The following CACNA2D2 variants were observed in gnomAD, a reference collection of about 807,000 sequenced individuals.
The protein encoded by CACNA2D2 is calcium voltage-gated channel auxiliary subunit alpha2delta 2.
A neutral mutation model predicts 166.4 loss-of-function variants in CACNA2D2; 48 were observed. The observed-to-expected ratio is 0.29, with a 90% confidence interval of 0.23 to 0.37. The LOEUF (loss-of-function observed/expected upper bound fraction) is 0.37, where lower values mean the gene tolerates loss of function less well. Among genes scored for constraint, CACNA2D2 ranks in the 10% least tolerant of loss-of-function variants. The pLI, the probability that CACNA2D2 is intolerant of heterozygous loss-of-function variation, is 1.00. For missense variants in CACNA2D2, 1,122 were observed against 1,433.0 expected (o/e 0.78, Z 3.50); for synonymous variants, 561 against 573.7 (o/e 0.98, Z 0.32).
At chr3:50,369,868 CAG>C (rs1704560207) in intron 23 of CACNA2D2, among the ~76,000 whole-genome samples, 1 of 152,268 alleles carries the variant, frequency 6.6e-6, no homozygotes, top group African/African-American at 2.4e-5. Context: ...GCACTGCCGA[CAG>C]GGGCTCTGGC....
Position 50,378,103 on chromosome 3 carries a change from G to T in CACNA2D2, c.1390-6C>A, listed in dbSNP as rs769705975. The T allele has an allele frequency of 1.6e-5, 26 of 1,612,998 alleles. No individual in the cohort carries two copies. The highest frequency in any genetic ancestry group is 2.2e-5 in the Non-Finnish European group (26 of 1,179,854). On this transcript the variant is annotated splice_polypyrimidine_tract_variant and splice_region_variant and intron_variant, in intron 14 of 37. Coordinates refer to ENST00000424201, the MANE Select transcript of CACNA2D2 (RefSeq NM_006030.4). ...CCCAACACATCTAGATATTCCTGGG[G>T]AGGGGGCAGTGGTGGGGGTAATGAG...
intron 2 of CACNA2D2, among the ~76,000 whole-genome samples, chr3:50,454,595 G>GAA (rs1308116036): frequency 6.6e-6 from 1 of 152,230 alleles, no homozygotes; most frequent in Non-Finnish European, 1.5e-5. Flanking sequence ...CCTTGCCTTT[G>GAA]TCCCAGAATC....
At position 50,487,717 on chromosome 3, in the gene CACNA2D2, G is replaced by A. The variant is rs576497212; in HGVS notation, c.207-11518C>T. The stretch of plus-strand genomic sequence containing the variant: ...AATCCGAGAGAAGCCACCTTGCCTG[G>A]TGAGCCTCATGATTGGCTTAAGGAG... On this transcript the variant is annotated intron_variant, in intron 1 of 37. Coordinates refer to ENST00000424201, the MANE Select transcript of CACNA2D2 (RefSeq NM_006030.4). Among the ~76,000 whole-genome samples, 29 of 152,242 alleles carry A rather than the reference G, an allele frequency of 1.9e-4. 1 individual carries two copies. The East Asian group carries it at 5.4e-3, about 28-fold the overall frequency.
In CACNA2D2 at chr3:50,503,278, G is replaced by C; in HGVS notation, c.146C>G (p.Pro49Arg). 1.7e-6 allele frequency: 2 copies of C among 1,166,080 alleles called. No homozygotes were observed. Among genetic ancestry groups the C allele is most frequent in the South Asian group, 4.3e-5 (1 of 23,510 alleles). 72.2% of individuals were successfully genotyped at this position (1,166,080 alleles called of 1,614,324 possible). ...GGGGGCGGCGAGCAGCGGTAGAAGCGGCAGCAGCAGCCACAGCGGGCGCGG... is the reference window on the plus strand; with the variant it reads ...GGGGGCGGCGAGCAGCGGTAGAAGCCGCAGCAGCAGCCACAGCGGGCGCGG... ...GPPRPLWLLL[P>R]LLPLLAAPGA... Residue 49 changes from proline (P) to arginine (R), a missense_variant, in exon 1 of 38, where the codon CCG (proline) becomes CGG (arginine). Transcript: ENST00000424201.
intron 3 of CACNA2D2, among the ~76,000 whole-genome samples, chr3:50,432,862 G>C (rs1422770060): frequency 6.6e-6 from 1 of 152,260 alleles, no homozygotes; most frequent in African/African-American, 2.4e-5. Flanking sequence ...AGCTCCTGGA[G>C]AAGGAAATTC....
chr3:50,503,128 C>A (rs1415734623), intron 1 of CACNA2D2, 90 bp downstream of exon 1: 33 of 729,082 alleles, frequency 4.5e-5, no homozygotes, highest in Non-Finnish European at 5.8e-5. Flanking sequence ...TCTGCCCTGG[C>A]GCGGAGCGCA....
chr3:50,455,890 T>G (rs1481160267), intron 2 of CACNA2D2, among the ~76,000 whole-genome samples: 2 of 152,106 alleles, frequency 1.3e-5, no homozygotes, highest in African/African-American at 2.4e-5. Flanking sequence ...TGGGCCCACA[T>G]GCTCCCCCCA....
chr3:50,499,373 G>C (rs1460413302), intron 1 of CACNA2D2, among the ~76,000 whole-genome samples: 1 of 152,206 alleles, frequency 6.6e-6, no homozygotes, highest in Admixed American at 6.5e-5. Flanking sequence ...GCAACATCTG[G>C]GCTTAATGCT....
At chr3:50,477,774 G>A (rs531159400) in intron 1 of CACNA2D2, among the ~76,000 whole-genome samples, 26 of 152,276 alleles carry the variant, frequency 1.7e-4, no homozygotes, top group African/African-American at 5.3e-4. Context: ...GAGGTACCCC[G>A]GGAGCCATGG....
intron 13 of CACNA2D2, 40 bp from the exon 14 acceptor site, chr3:50,378,373 C>A: frequency 1.3e-6 from 2 of 1,545,002 alleles, no homozygotes; most frequent in Non-Finnish European, 1.8e-6. Flanking sequence ...CTGGCTGGCA[C>A]TGCAGGATCC....
At chr3:50,447,044 G>T (rs774074852) in intron 2 of CACNA2D2, among the ~76,000 whole-genome samples, 2 of 152,186 alleles carry the variant, frequency 1.3e-5, no homozygotes, top group Non-Finnish European at 2.9e-5. Context: ...ACATTCCAGG[G>T]AAAGGTGTAG....
chr3:50,445,506 C>A (rs1708801893), intron 2 of CACNA2D2, among the ~76,000 whole-genome samples: 1 of 152,212 alleles, frequency 6.6e-6, no homozygotes, highest in Non-Finnish European at 1.5e-5. Flanking sequence ...CCTTTTTCTC[C>A]TACTTCCAAT....
chr3:50,375,824 G>T lies in CACNA2D2; in HGVS notation c.1830C>A (p.Val610=), dbSNP rs1420976894. The T allele has an allele frequency of 1.2e-6, 2 of 1,612,938 alleles. No homozygotes were observed. The highest frequency in any genetic ancestry group is 1.1e-5 in the South Asian group (1 of 91,044). ...GCCTCCTTACCTCATCCAGGGACTTGACCAACGTTCTGATCTGCTTGTGGC... is the reference window on the plus strand; with the variant it reads ...GCCTCCTTACCTCATCCAGGGACTTTACCAACGTTCTGATCTGCTTGTGGC... The part of the protein sequence containing the change: ...NKGHKQIRTL[V]KSLDERYIDE... The change falls in exon 20 of 38, where the codon GTC becomes GTA. Residue 610 remains valine, a synonymous_variant. Transcript: ENST00000424201. This position sits in a 1 kb window ranked among gnomAD's most constrained non-coding sequence, Gnocchi z 4.0.
At position 50,380,150 on chromosome 3, in the gene CACNA2D2, C is replaced by T; in HGVS notation, c.843-132G>A. 2.4e-6 allele frequency: 2 copies of T among 817,146 alleles called. No homozygotes were observed. Among genetic ancestry groups the T allele is most frequent in the Middle Eastern group, 2.9e-4 (1 of 3,440 alleles). The allele number at this position is 817,146 out of a possible 1,614,324, so 50.6% of individuals were successfully genotyped here. A position where few individuals can be genotyped will look rare whatever the true frequency, so the allele number is the denominator to read the frequency against. ...TGTGGGCCAGGCAGGGTTCTATGCA[C>T]CGATGATACCACATTTAACGAAACA... On this transcript the variant is annotated intron_variant, in intron 8 of 37. Coordinates refer to ENST00000424201, the MANE Select transcript of CACNA2D2 (RefSeq NM_006030.4). The surrounding 1 kb of genome is among the most constrained non-coding windows in gnomAD (Gnocchi z 4.9).
intron 1 of CACNA2D2, among the ~76,000 whole-genome samples, chr3:50,484,373 C>A (rs2107129378): frequency 6.6e-6 from 1 of 152,310 alleles, no homozygotes; most frequent in African/African-American, 2.4e-5. Flanking sequence ...TTCCCCTCTA[C>A]ACACGGCTGG....
intron 3 of CACNA2D2, among the ~76,000 whole-genome samples, chr3:50,409,716 T>A (rs998639993): frequency 2.0e-5 from 3 of 152,214 alleles, no homozygotes; most frequent in African/African-American, 7.2e-5. Context: ...ACCTGGGCTG[T>A]GTCATCAAGT....
intron 5 of CACNA2D2, among the ~76,000 whole-genome samples, chr3:50,385,749 G>A (rs1427276175): frequency 1.3e-5 from 2 of 152,224 alleles, no homozygotes; most frequent in Non-Finnish European, 2.9e-5. Flanking sequence ...AGGCAGCCTC[G>A]GAGCATGGAG....
intron 2 of CACNA2D2, among the ~76,000 whole-genome samples, chr3:50,456,442 C>G (rs1372280982): frequency 2.0e-5 from 3 of 152,214 alleles, no homozygotes; most frequent in Non-Finnish European, 4.4e-5. Context: ...TGTGACTTCA[C>G]AATTTTCACT....
chr3:50,416,785 G>T (rs553136250), intron 3 of CACNA2D2, among the ~76,000 whole-genome samples: 6 of 152,330 alleles, frequency 3.9e-5, no homozygotes, highest in Middle Eastern at 3.4e-3. Flanking sequence ...TCTTGGACCT[G>T]CCCACCTCTA....
Sources: allele counts gnomAD v4.1 joint callset (sites outside exome capture counted in the v4.1 genomes callset), GRCh38; gene constraint gnomAD v4.1.1; non-coding constraint Gnocchi (gnomAD v3.1); transcripts MANE v1.5; gene names NCBI Gene and HGNC (gene_info 2026-07-23, HGNC 2026-07-21).